Variants in ZDHHC7 observed in about 807,000 individuals in gnomAD.
ZDHHC7 encodes zDHHC palmitoyltransferase 7.
A neutral mutation model predicts 34.1 loss-of-function variants in ZDHHC7; 12 were observed. The ratio of observed to expected loss-of-function variants is 0.35; its 90% CI spans 0.23 to 0.57. The LOEUF is 0.57. Among genes scored for constraint, ZDHHC7 ranks in the 20% least tolerant of loss-of-function variants. ZDHHC7 has a pLI of 0.84. For missense variants in ZDHHC7, 388 were observed against 402.7 expected (o/e 0.96, Z 0.31); for synonymous variants, 185 against 155.4 (o/e 1.19, Z -1.42).
chr16:85,019,238 G>T, the ZDHHC7 span, among the ~76,000 whole-genome samples: 1 of 152,022 alleles, frequency 6.6e-6, no homozygotes, highest in African/African-American at 2.4e-5. Flanking sequence ...CACATCTCAC[G>T]TCTCACCTGT....
At chr16:84,991,124 T>C (rs1192087163) in intron 2 of ZDHHC7, among the ~76,000 whole-genome samples, 1 of 152,222 alleles carries the variant, frequency 6.6e-6, no homozygotes, top group Non-Finnish European at 1.5e-5. Flanking sequence ...TCTATTCATC[T>C]TTACACCGCC....
In ZDHHC7 at chr16:84,979,244, G is replaced by A; in HGVS notation, c.482C>T (p.Pro161Leu). ...RCIRKMDHHC[P>L]WVNNCVGEKN... is the part of the protein sequence containing the mutation. ...TTCTCCTACACAATTGTTCACCCAC[G>A]GGCAGTGATGATCCATTTTCCGAAT... Residue 161 changes from proline (P) to leucine (L), a missense_variant, in exon 5 of 8, where the codon CCG (proline) becomes CTG (leucine). Coordinates refer to ENST00000313732, the MANE Select transcript of ZDHHC7 (RefSeq NM_017740.3). 5 of 1,608,010 alleles carry A rather than the reference G, an allele frequency of 3.1e-6. No individual in the cohort carries two copies. Among genetic ancestry groups the A allele is most frequent in the Middle Eastern group, 1.7e-4 (1 of 6,050 alleles).
the ZDHHC7 span, among the ~76,000 whole-genome samples, chr16:85,023,725 C>T: frequency 1.3e-5 from 2 of 151,814 alleles, no homozygotes; most frequent in Non-Finnish European, 1.5e-5. Context: ...CTCAAGCAAC[C>T]CTCTAACCTC....
rs566733387 is a variant in ZDHHC7 at position 85,003,759 on chromosome 16, C to A, written c.-104+7527G>T. The stretch of plus-strand genomic sequence containing the variant: ...TAATCACTCTACAGTAGGATCAGAA[C>A]ACTGCAGATCAAAAACATGGCAAAG... On this transcript the variant is annotated intron_variant, in intron 1 of 7. Coordinates refer to ENST00000313732, the MANE Select transcript of ZDHHC7 (RefSeq NM_017740.3). Among the ~76,000 whole-genome samples, 3 of 152,264 alleles carry A rather than the reference C, an allele frequency of 2.0e-5. No individual in the cohort carries two copies. The South Asian group carries it at 6.2e-4, about 32-fold the overall frequency.
chr16:84,983,526 G>C (rs1383362924), intron 3 of ZDHHC7, among the ~76,000 whole-genome samples: 2 of 152,168 alleles, frequency 1.3e-5, no homozygotes, highest in Admixed American at 6.5e-5. Flanking sequence ...GCAAATGTGA[G>C]TGTTGACTGC....
intron 5 of ZDHHC7, 55 bp from the exon 6 acceptor site, chr16:84,978,060 C>G: frequency 7.0e-7 from 1 of 1,422,246 alleles, no homozygotes; most frequent in Non-Finnish European, 9.8e-7. Context: ...TTTTTAGAAA[C>G]AGAGTCTCCC....
At chr16:85,020,229 G>A in the ZDHHC7 span, among the ~76,000 whole-genome samples, 1 of 152,152 alleles carries the variant, frequency 6.6e-6, no homozygotes, top group Non-Finnish European at 1.5e-5. Flanking sequence ...CTGCCCATTT[G>A]TCCTCAGGCT....
chr16:85,013,985 G>C (rs1049240805), upstream of ZDHHC7, among the ~76,000 whole-genome samples: 1 of 152,164 alleles, frequency 6.6e-6, no homozygotes, highest in Non-Finnish European at 1.5e-5. Context: ...ACTGCACTCA[G>C]CCTAATTTGT....
the ZDHHC7 span, among the ~76,000 whole-genome samples, chr16:85,027,240 CTT>C: frequency 6.6e-6 from 1 of 152,136 alleles, no homozygotes; most frequent in African/African-American, 2.4e-5. Context: ...TTTTAAATCT[CTT>C]TTGAAAAATT....
chr16:84,991,904 A>G (rs2072514293), intron 2 of ZDHHC7, among the ~76,000 whole-genome samples: 1 of 152,206 alleles, frequency 6.6e-6, no homozygotes, highest in Non-Finnish European at 1.5e-5. Context: ...TAAAGAAACT[A>G]AAGAAAAAAG....
At chr16:85,025,707 C>T in the ZDHHC7 span, among the ~76,000 whole-genome samples, 1 of 152,192 alleles carries the variant, frequency 6.6e-6, no homozygotes, top group Admixed American at 6.5e-5. Context: ...CGCGCCCGGC[C>T]CCCTCTCTTT....
In ZDHHC7 at chr16:84,979,573, A is replaced by G. The variant is rs552682207; in HGVS notation, c.441-288T>C. 3.9e-5 allele frequency among the ~76,000 whole-genome samples: 6 copies of G among 152,316 alleles called. No individual in the cohort carries two copies. In the South Asian group the frequency reaches 1.2e-3, roughly 32 times the overall value. ...CCCCCAGTAGAGCTGGATCATGTAC[A>G]CCTATCAGTAATGTTCCTAATTTTG... On this transcript the variant is annotated intron_variant, in intron 4 of 7. Transcript: ENST00000313732.
At chr16:84,977,022 T>C in intron 7 of ZDHHC7, 73 bp downstream of exon 7, 3 of 1,581,300 alleles carry the variant, frequency 1.9e-6, no homozygotes, top group Non-Finnish European at 1.7e-6. Flanking sequence ...GCACCTATTG[T>C]TGACATTAGG....
chr16:85,013,273 C>G (rs528758065), upstream of ZDHHC7, among the ~76,000 whole-genome samples: 91 of 152,142 alleles, frequency 6.0e-4, no homozygotes, highest in Non-Finnish European at 6.2e-4. Context: ...GATGGAGTCT[C>G]GCTCTGTCTC....
intron 7 of ZDHHC7, 53 bp downstream of exon 7, chr16:84,977,042 T>G (rs2072307573): frequency 1.2e-6 from 2 of 1,603,426 alleles, no homozygotes; most frequent in African/African-American, 2.7e-5. Context: ...GACTTTTCAT[T>G]TACTCAAGCT....
intron 2 of ZDHHC7, among the ~76,000 whole-genome samples, chr16:84,993,724 T>C (rs948117011): frequency 6.6e-6 from 1 of 152,090 alleles, no homozygotes; most frequent in Non-Finnish European, 1.5e-5. Flanking sequence ...TCAAAAGAAT[T>C]TGGACAGACC....
intron 1 of ZDHHC7, among the ~76,000 whole-genome samples, chr16:85,002,241 C>T (rs1597559765): frequency 1.3e-5 from 2 of 152,096 alleles, no homozygotes; most frequent in Non-Finnish European, 2.9e-5. Context: ...GCAGGGAGGA[C>T]GCTGCTCCCC....
intron 1 of ZDHHC7, among the ~76,000 whole-genome samples, chr16:84,999,294 T>A (rs1318674421): frequency 6.6e-6 from 1 of 152,190 alleles, no homozygotes; most frequent in Non-Finnish European, 1.5e-5. Flanking sequence ...GTAACCACTT[T>A]GGAAAGCAGT....
At chr16:85,003,404 C>G (rs9930873) in intron 1 of ZDHHC7, among the ~76,000 whole-genome samples, 1 of 152,252 alleles carries the variant, frequency 6.6e-6, no homozygotes, top group South Asian at 2.1e-4. Flanking sequence ...TCCCTCAACT[C>G]ACAAAAGGAG....
Sources: gnomAD v4.1 joint callset for allele counts (sites outside exome capture counted in the v4.1 genomes callset) on GRCh38, gnomAD v4.1.1 for gene constraint, MANE v1.5 for transcripts, NCBI Gene and HGNC (gene_info 2026-07-23, HGNC 2026-07-21) for gene names.